Variants in IRAK1BP1 observed in about 807,000 individuals in gnomAD.
IRAK1BP1 encodes the protein interleukin-1 receptor-associated kinase 1-binding protein 1.
A neutral mutation model predicts 28.0 loss-of-function variants in IRAK1BP1; 24 were observed. The ratio of observed to expected loss-of-function variants is 0.86; its 90% confidence interval spans 0.62 to 1.20. The LOEUF (loss-of-function observed/expected upper bound fraction) is 1.20. Among genes scored for constraint, IRAK1BP1 ranks in the 50% most tolerant of loss-of-function variants. The pLI is 0.00. For synonymous variants in IRAK1BP1, 131 were observed against 116.3 expected, an observed-to-expected ratio of 1.13 and a Z score of -0.81; for missense variants, 336 against 316.7, an observed-to-expected ratio of 1.06 and a Z score of -0.46.
At chr6:78,873,842 G>C (rs1581989955) in intron 1 of IRAK1BP1, among the ~76,000 whole-genome samples, 1 of 152,150 alleles carries the variant, frequency 6.6e-6, no homozygotes, top group Admixed American at 6.5e-5. Context: ...TGTGTACTGT[G>C]CTTGGAATTT....
At chr6:78,958,587 G>C in the IRAK1BP1 span, 1 of 1,569,102 alleles carries the variant, frequency 6.4e-7, no homozygotes, top group African/African-American at 1.4e-5. Flanking sequence ...TCCCACATTA[G>C]GGAAGAAACC....
intron 2 of IRAK1BP1, among the ~76,000 whole-genome samples, chr6:78,895,907 G>T (rs1476553156): frequency 2.0e-5 from 3 of 152,158 alleles, no homozygotes; most frequent in Non-Finnish European, 4.4e-5. Flanking sequence ...TGGAAAGGAA[G>T]AAGTGCAACT....
intron 4 of IRAK1BP1, among the ~76,000 whole-genome samples, chr6:78,923,260 AG>A (rs974547864): frequency 6.6e-6 from 1 of 152,102 alleles, no homozygotes; most frequent in African/African-American, 2.4e-5. Context: ...AAAAAAGGGC[AG>A]GGGTTTCAAT....
chr6:78,946,586 A>G, downstream of IRAK1BP1: 1 of 1,417,252 alleles, frequency 7.1e-7, no homozygotes, highest in Non-Finnish European at 9.2e-7. Context: ...CATCATAGGA[A>G]CTTGCATGTC....
Position 78,899,860 on chromosome 6 carries a change from T to A in IRAK1BP1, c.*1526T>A, listed in dbSNP as rs545114291. The A allele has an allele frequency of 3.0e-4, 46 of 152,374 alleles. No homozygotes were observed. The highest frequency in any genetic ancestry group is 1.1e-3 in the African/African-American group (46 of 41,598). 9.4% of individuals were successfully genotyped at this position (152,374 alleles called of 1,614,324 possible). On this transcript the variant is annotated 3_prime_UTR_variant, in exon 4 of 4. Transcript: ENST00000369940. The stretch of plus-strand genomic sequence containing the variant: ...TTATTTCAGCATGTAATCAGTATTT[T>A]TTAAATTGAGATATTTGTTTTATCT...
chr6:78,876,497 A>G (rs190622273), intron 1 of IRAK1BP1, among the ~76,000 whole-genome samples: 1 of 152,342 alleles, frequency 6.6e-6, no homozygotes, highest in East Asian at 1.9e-4. Flanking sequence ...AAAACTTAGC[A>G]GAGTAGGCTG....
intron 1 of IRAK1BP1, among the ~76,000 whole-genome samples, chr6:78,879,377 T>C (rs910730189): frequency 3.9e-5 from 6 of 152,144 alleles, no homozygotes; most frequent in African/African-American, 1.2e-4. Context: ...AATAAAAAAA[T>C]CACTGGGCTA....
At chr6:78,937,878 G>C (rs1415920592) in intron 4 of IRAK1BP1, 1 of 151,552 alleles carries the variant, frequency 6.6e-6, no homozygotes, top group Non-Finnish European at 1.5e-5. Flanking sequence ...AGAATACTAG[G>C]GTTGGGTACT....
intron 2 of IRAK1BP1, among the ~76,000 whole-genome samples, chr6:78,893,292 A>ATG (rs1189252490): frequency 5.5e-4 from 42 of 76,786 alleles, no homozygotes; most frequent in African/African-American, 1.3e-3. Context: ...GTGTGTATAT[A>ATG]TGTGTGTGTG....
intron 4 of IRAK1BP1, chr6:78,936,147 AATTT>A (rs1773265170): frequency 6.6e-6 from 1 of 152,010 alleles, no homozygotes; most frequent in African/African-American, 2.4e-5. Context: ...CTAAATAATT[AATTT>A]GTTTTAAAAC....
At chr6:78,975,390 A>G in the IRAK1BP1 span, among the ~76,000 whole-genome samples, 1 of 152,228 alleles carries the variant, frequency 6.6e-6, no homozygotes, top group African/African-American at 2.4e-5. Flanking sequence ...AATCAGAGCT[A>G]TCTATGACAA....
intron 4 of IRAK1BP1, among the ~76,000 whole-genome samples, chr6:78,914,104 C>G (rs1772495664): frequency 6.6e-6 from 1 of 152,002 alleles, no homozygotes; most frequent in Non-Finnish European, 1.5e-5. Context: ...TTAAAAGAAG[C>G]TTGCTTTAAT....
intron 1 of IRAK1BP1, among the ~76,000 whole-genome samples, chr6:78,877,837 G>A (rs1289591240): frequency 1.3e-5 from 2 of 152,148 alleles, no homozygotes; most frequent in African/African-American, 2.4e-5. Context: ...CACACCAGGA[G>A]ATTATATCCC....
chr6:78,954,822 C>A, the IRAK1BP1 span: 1 of 1,577,848 alleles, frequency 6.3e-7, no homozygotes, highest in Non-Finnish European at 8.6e-7. Context: ...ACTGGATATT[C>A]AAGGAGATCT....
chr6:78,968,950 C>T, the IRAK1BP1 span, among the ~76,000 whole-genome samples: 1 of 152,184 alleles, frequency 6.6e-6, no homozygotes, highest in Non-Finnish European at 1.5e-5. Flanking sequence ...TATCCTGAGG[C>T]TTCTACTGAA....
intron 1 of IRAK1BP1, among the ~76,000 whole-genome samples, chr6:78,881,794 C>T (rs570695831): frequency 6.6e-6 from 1 of 152,152 alleles, no homozygotes; most frequent in African/African-American, 2.4e-5. Context: ...CATGTATATA[C>T]TGGGGTTAAA....
At chr6:78,978,300 T>C in the IRAK1BP1 span, among the ~76,000 whole-genome samples, 2 of 152,084 alleles carry the variant, frequency 1.3e-5, no homozygotes, top group East Asian at 3.8e-4. Flanking sequence ...GAATATATTT[T>C]AATTTAAAAA....
the IRAK1BP1 span, chr6:78,957,455 C>T: frequency 1.3e-5 from 2 of 151,728 alleles, no homozygotes; most frequent in Non-Finnish European, 2.9e-5. Flanking sequence ...ACAAACTTTA[C>T]CTTATTAATT....
intron 1 of IRAK1BP1, among the ~76,000 whole-genome samples, chr6:78,869,143 TA>T (rs1443107387): frequency 6.6e-6 from 1 of 152,242 alleles, no homozygotes; most frequent in African/African-American, 2.4e-5. Flanking sequence ...AAACTGCTAC[TA>T]GTGCTGTAGT....
Sources: allele counts gnomAD v4.1 joint callset (sites outside exome capture counted in the v4.1 genomes callset), GRCh38; gene constraint gnomAD v4.1.1; transcripts MANE v1.5; gene names NCBI Gene and HGNC (gene_info 2026-07-23, HGNC 2026-07-21).